Variants in DNAJC6 observed in about 807,000 individuals in gnomAD.
The protein encoded by DNAJC6 is DnaJ heat shock protein family (Hsp40) member C6, also known as auxilin.
DNAJC6 carries 34 observed loss-of-function variants against 110.0 expected under a neutral mutation model. The ratio of observed to expected loss-of-function variants is 0.31; its 90% CI spans 0.24 to 0.41. DNAJC6 has a LOEUF of 0.41. DNAJC6 is among the 10% of genes least tolerant of loss of function. DNAJC6 has a pLI of 1.00. For missense variants in DNAJC6, 1,031 were observed against 1,207.8 expected (o/e 0.85, Z 2.17); for synonymous variants, 406 against 437.2 (o/e 0.93, Z 0.89).
chr1:65,376,370 T>C (rs1645766809), intron 4 of DNAJC6, among the ~76,000 whole-genome samples: 1 of 152,026 alleles, frequency 6.6e-6, no homozygotes, highest in South Asian at 2.1e-4. Context: ...TTTTTCTTTT[T>C]AGTTTCAATT....
chr1:65,326,760 C>T (rs895578366), intron 1 of DNAJC6, among the ~76,000 whole-genome samples: 2 of 152,216 alleles, frequency 1.3e-5, no homozygotes, highest in African/African-American at 4.8e-5. Context: ...ACATGGCTTC[C>T]TCAGAGGTCC....
chr1:65,330,213 T>G (rs1645274946), intron 1 of DNAJC6, among the ~76,000 whole-genome samples: 1 of 152,216 alleles, frequency 6.6e-6, no homozygotes, highest in African/African-American at 2.4e-5. Flanking sequence ...GTGTGCCTCC[T>G]ATTTTTGAAG....
intron 13 of DNAJC6, among the ~76,000 whole-genome samples, chr1:65,395,869 C>T (rs919139632): frequency 1.3e-5 from 2 of 152,058 alleles, no homozygotes; most frequent in African/African-American, 2.4e-5. Flanking sequence ...TGATTAAAAC[C>T]GGAGGTCTGC....
intron 1 of DNAJC6, chr1:65,279,608 T>C (rs565739668): frequency 1.3e-5 from 2 of 152,294 alleles, no homozygotes; most frequent in African/African-American, 2.4e-5. Context: ...CACACACAGC[T>C]TGGAATTGGT....
intron 1 of DNAJC6, among the ~76,000 whole-genome samples, chr1:65,337,128 G>A (rs983867954): frequency 2.7e-5 from 4 of 149,388 alleles, no homozygotes; most frequent in African/African-American, 7.4e-5. Context: ...CTGTGTTCCC[G>A]GTAGATTAAA....
intron 8 of DNAJC6, among the ~76,000 whole-genome samples, chr1:65,387,964 T>C (rs1443889109): frequency 6.6e-6 from 1 of 152,174 alleles, no homozygotes; most frequent in Non-Finnish European, 1.5e-5. Context: ...GAGCAGTTTG[T>C]TTTAGCCAGC....
intron 1 of DNAJC6, among the ~76,000 whole-genome samples, chr1:65,265,580 C>T (rs1427520073): frequency 6.6e-6 from 1 of 152,106 alleles, no homozygotes; most frequent in African/African-American, 2.4e-5. Context: ...TAAATAAAAA[C>T]TCAAAAAAGG....
At position 65,345,056 on chromosome 1, in the gene DNAJC6, T is replaced by C. The variant is rs142567785; in HGVS notation, c.194-19579T>C. On this transcript the variant is annotated intron_variant, in intron 1 of 18. Coordinates refer to ENST00000371069, the MANE Select transcript of DNAJC6 (RefSeq NM_001256864.2). ...ACTAAGTTGTAAATGTAACAGACAGTGAGTGGGCTTTTACAGATGATGGAT... is the reference window on the plus strand; with the variant it reads ...ACTAAGTTGTAAATGTAACAGACAGCGAGTGGGCTTTTACAGATGATGGAT... Among the ~76,000 whole-genome samples the C allele has an allele frequency of 2.6e-3, 396 of 152,264 alleles. 2 individuals are homozygous for C. Among genetic ancestry groups the C allele is most frequent in the African/African-American group, 9.3e-3 (387 of 41,552 alleles).
At chr1:65,305,853 A>C (rs2101325547), upstream of DNAJC6, among the ~76,000 whole-genome samples, 1 of 152,090 alleles carries the variant, frequency 6.6e-6, no homozygotes, top group Non-Finnish European at 1.5e-5. Flanking sequence ...TGAAAAAGTG[A>C]CATTTTAAAA....
intron 1 of DNAJC6, among the ~76,000 whole-genome samples, chr1:65,267,885 G>GGTGTGT (rs59260525): frequency 4.0e-5 from 6 of 149,376 alleles, no homozygotes; most frequent in African/African-American, 1.5e-4. Flanking sequence ...GGTGTGAGGT[G>GGTGTGT]GTGTGTGTGT....
intron 1 of DNAJC6, among the ~76,000 whole-genome samples, chr1:65,278,009 G>A (rs1191707483): frequency 1.3e-5 from 2 of 152,126 alleles, no homozygotes; most frequent in Non-Finnish European, 2.9e-5. Flanking sequence ...GGGAAAAGGA[G>A]GAAACAGAAA....
chr1:65,408,991 G>A (rs1485564217), intron 17 of DNAJC6, among the ~76,000 whole-genome samples: 2 of 152,058 alleles, frequency 1.3e-5, no homozygotes, highest in Admixed American at 1.3e-4. Context: ...CAAGATCAAG[G>A]TGCCAGCCAT....
intron 4 of DNAJC6, among the ~76,000 whole-genome samples, chr1:65,371,485 G>C (rs1167543553): frequency 1.3e-5 from 2 of 152,016 alleles, no homozygotes; most frequent in African/African-American, 2.4e-5. Context: ...ATTAACATTG[G>C]TAATAATAAA....
Position 65,309,647 on chromosome 1 carries a change from ATT to A in DNAJC6, c.-85_-84del, listed in dbSNP as rs373500242. 9.6e-4 allele frequency: 1,138 copies of A among 1,186,602 alleles called. No individual in the cohort carries two copies. Among genetic ancestry groups the A allele is most frequent in the Admixed American group, 2.7e-3 (76 of 28,326 alleles). 73.5% of individuals were successfully genotyped at this position (1,186,602 alleles called of 1,614,324 possible). On this transcript the variant is annotated 5_prime_UTR_variant, in exon 1 of 19. Coordinates refer to ENST00000371069, the MANE Select transcript of DNAJC6 (RefSeq NM_001256864.2). ...CTCTTTGCGTCATGTCGGGCACTTA[ATT>A]TTTTTTTTTTTTTAATTCCTTCTTC...
intron 1 of DNAJC6, among the ~76,000 whole-genome samples, chr1:65,330,532 A>G (rs1048078975): frequency 4.6e-5 from 7 of 151,880 alleles, no homozygotes; most frequent in Non-Finnish European, 8.8e-5. Flanking sequence ...ACAGTGGCCC[A>G]ATTTCGGCTC....
chr1:65,388,488 G>A (rs1232048528), intron 9 of DNAJC6, 73 bp downstream of exon 9: 2 of 1,361,274 alleles, frequency 1.5e-6, no homozygotes, highest in Non-Finnish European at 2.1e-6. Flanking sequence ...ATGGCACCAG[G>A]CTGTAGCATA....
rs529530357 is a variant in DNAJC6, at chr1:65,303,501, A to G, written c.-131+38569A>G. On this transcript the variant is annotated intron_variant, in intron 1 of 19. Transcript: ENST00000263441. ...TGGATGGTTTCTTAGATTTGATAACATGCAGTATTTAGGGCTTTAGTGTTT... is the reference window on the plus strand; with the variant it reads ...TGGATGGTTTCTTAGATTTGATAACGTGCAGTATTTAGGGCTTTAGTGTTT... Among the ~76,000 whole-genome samples, 21 of 151,998 alleles carry G rather than the reference A, an allele frequency of 1.4e-4. No individual in the cohort carries two copies. The South Asian group carries it at 1.5e-3, about 11-fold the overall frequency.
intron 4 of DNAJC6, among the ~76,000 whole-genome samples, chr1:65,372,038 AAT>A (rs1645711098): frequency 1.3e-5 from 2 of 151,992 alleles, no homozygotes; most frequent in African/African-American, 4.8e-5. Context: ...ACTTTAAATT[AAT>A]ATTATTTACT....
intron 1 of DNAJC6, among the ~76,000 whole-genome samples, chr1:65,356,850 C>A (rs191982690): frequency 4.9e-4 from 74 of 152,226 alleles, no homozygotes; most frequent in East Asian, 4.5e-3. Flanking sequence ...AGTCTGAGAC[C>A]TCTCTTCTCA....
Sources: gnomAD v4.1 joint callset for allele counts (sites outside exome capture counted in the v4.1 genomes callset) on GRCh38, gnomAD v4.1.1 for gene constraint, MANE v1.5 for transcripts, NCBI Gene and HGNC (gene_info 2026-07-23, HGNC 2026-07-21) for gene names.